The following KCP variants were observed in gnomAD, a reference collection of about 807,000 sequenced individuals.
The protein encoded by KCP is kielin/chordin-like protein.
A neutral mutation model predicts 212.7 loss-of-function variants in KCP; 194 were observed. The observed-to-expected ratio is 0.91, with a 90% confidence interval of 0.81 to 1.03. KCP has a LOEUF of 1.03. Among genes scored for constraint, KCP ranks in the 50% least tolerant of loss-of-function variants. KCP has a pLI of 0.00. For missense variants in KCP, 2,080 were observed against 2,162.5 expected (o/e 0.96, Z 0.76); for synonymous variants, 833 against 865.3 (o/e 0.96, Z 0.65).
chr7:128,883,540 A>G (rs1793457518), intron 29 of KCP, among the ~76,000 whole-genome samples: 1 of 152,224 alleles, frequency 6.6e-6, no homozygotes, highest in Non-Finnish European at 1.5e-5. Context: ...CCTCCACAAC[A>G]AATGTAAAAT....
rs1045501744 is a variant in KCP at position 128,879,737 on chromosome 7, A to T, written c.4025T>A (p.Leu1342Gln). The stretch of plus-strand genomic sequence containing the variant: ...GCTCACCGTGACTGCCCCGTCCTGC[A>T]GCAGCCGCACGGCCATGTCTCCCAG... Reference protein sequence around the residue: ...VLLGDMAVRLLQDGAVTVDGH... With the variant: ...VLLGDMAVRLQQDGAVTVDGH... The change falls in exon 36 of 40, where the codon CTG (leucine) becomes CAG (glutamine). Residue 1342 changes from leucine to glutamine, a missense_variant. Coordinates refer to ENST00000610776, the MANE Select transcript of KCP (RefSeq NM_001366122.1). 36 of 1,550,080 alleles carry T rather than the reference A, an allele frequency of 2.3e-5. No homozygotes were observed. Among genetic ancestry groups the T allele is most frequent in the Admixed American group, 2.0e-4 (10 of 50,960 alleles).
At chr7:128,894,122 GC>G in intron 9 of KCP, 67 bp from the exon 10 acceptor site, 1 of 1,518,852 alleles carries the variant, frequency 6.6e-7, no homozygotes. Flanking sequence ...GCCTTCATGG[GC>G]CCCCGAGCAG....
chr7:128,888,975 G>T lies in KCP; in HGVS notation c.2400C>A (p.Cys800Ter), dbSNP rs1375110996. ...NQEFPDPREP[C>*]NLCTCLGGFV... ...AGCCTCCAAGACAGGTACACAGGTTGCAGGGTTCTCGGGGGTCTGGGAACT... is the reference window on the plus strand; with the variant it reads ...AGCCTCCAAGACAGGTACACAGGTTTCAGGGTTCTCGGGGGTCTGGGAACT... The change falls in exon 22 of 40, where the codon TGC (cysteine) becomes TGA (stop). Residue 800 changes from cysteine (C) to a stop codon, truncating the protein, a stop_gained. Transcript: ENST00000610776. LOFTEE classifies it high-confidence loss of function. 6.5e-7 allele frequency: 1 copy of T among 1,548,526 alleles called. No individual in the cohort carries two copies. The highest frequency in any genetic ancestry group is 8.7e-7 in the Non-Finnish European group (1 of 1,144,964).
intron 5 of KCP, 126 bp from the exon 6 acceptor site, chr7:128,904,264 A>C: frequency 6.5e-7 from 1 of 1,549,372 alleles, no homozygotes; most frequent in South Asian, 1.2e-5. Context: ...GGGGCAGGGC[A>C]GGACAGGGCA....
chr7:128,908,114 T>G (rs1585261644), intron 2 of KCP, among the ~76,000 whole-genome samples: 1 of 110,636 alleles, frequency 9.0e-6, no homozygotes, highest in African/African-American at 4.3e-5. Flanking sequence ...GGGTGACACA[T>G]GGTGACTCCA....
chr7:128,889,920 CTTTTT>C (rs35633844), intron 21 of KCP: 34 of 99,586 alleles, frequency 3.4e-4, no homozygotes, highest in South Asian at 6.1e-4. Flanking sequence ...TAGTGTCAGG[CTTTTT>C]TTTTTTTTTT....
In KCP at chr7:128,892,509, C is replaced by T. The variant is rs1218892943; in HGVS notation, c.1621+5G>A. 1 of 1,515,570 alleles carries T rather than the reference C, an allele frequency of 6.6e-7. No homozygotes were observed. The highest frequency in any genetic ancestry group is 2.5e-5 in the East Asian group (1 of 40,542). The allele number at this position is 1,515,570 out of a possible 1,614,324, so 93.9% of individuals were successfully genotyped here. A position where few individuals can be genotyped will look rare whatever the true frequency, so the allele number is the denominator to read the frequency against. ...TCCCCTCAGGCCCAGTGAGTGCCCACATACCTGGGCACCTGGGGCAACACT... is the reference window on the plus strand; with the variant it reads ...TCCCCTCAGGCCCAGTGAGTGCCCATATACCTGGGCACCTGGGGCAACACT... On this transcript the variant is annotated splice_donor_5th_base_variant and intron_variant, in intron 16 of 39. Coordinates refer to ENST00000610776, the MANE Select transcript of KCP (RefSeq NM_001366122.1).
intron 7 of KCP, 50 bp from the exon 8 acceptor site, chr7:128,902,909 AC>A: frequency 7.1e-7 from 1 of 1,407,782 alleles, no homozygotes; most frequent in Non-Finnish European, 9.8e-7. Flanking sequence ...GCTGGCCTGG[AC>A]CCCAGCCTCA....
chr7:128,896,755 G>T (rs1417497207), intron 8 of KCP, among the ~76,000 whole-genome samples: 1 of 152,054 alleles, frequency 6.6e-6, no homozygotes, highest in Non-Finnish European at 1.5e-5. Flanking sequence ...GCTGGGCGTG[G>T]TGGCACACGC....
At chr7:128,910,466 TG>T in intron 1 of KCP, 134 bp downstream of exon 1, 1 of 771,930 alleles carries the variant, frequency 1.3e-6, no homozygotes, top group Non-Finnish European at 1.9e-6. Flanking sequence ...AGGACGGAGC[TG>T]GCCAGGGAGG....
At chr7:128,878,409 A>C in intron 38 of KCP, 149 bp downstream of exon 38, 1 of 865,230 alleles carries the variant, frequency 1.2e-6, no homozygotes, top group East Asian at 2.7e-5. Flanking sequence ...CAAGACAGGC[A>C]AGAAGCCCCC....
At position 128,879,961 on chromosome 7, in the gene KCP, C is replaced by A. The variant is rs1028996081; in HGVS notation, c.3884G>T (p.Gly1295Val). ...CTTGGCCAGCACATAGCTGCAACTG[C>A]CCTGGAAGTGCAGCAGGCGGCCGTC... ...TFDGRLLHFQGSCSYVLAKDC... is the reference protein window; with the variant it reads ...TFDGRLLHFQVSCSYVLAKDC... The change falls in exon 35 of 40, where the codon GGC (glycine) becomes GTC (valine). Residue 1295 changes from glycine to valine, a missense_variant. Coordinates refer to ENST00000610776, the MANE Select transcript of KCP (RefSeq NM_001366122.1). The A allele has an allele frequency of 1.0e-4, 159 of 1,550,774 alleles. No homozygotes were observed. Among genetic ancestry groups the A allele is most frequent in the Non-Finnish European group, 1.3e-4 (154 of 1,146,964 alleles).
Position 128,893,782 on chromosome 7 carries a change from G to T in KCP, c.1099+24C>A, listed in dbSNP as rs749345254. 13 of 1,545,312 alleles carry T rather than the reference G, an allele frequency of 8.4e-6. No homozygotes were observed. In the African/African-American group the frequency reaches 9.6e-5, roughly 11 times the overall value. Reference sequence around the variant, plus strand: ...TCTGCAGCCAAGGCCTGCCCCTCCCGCAGAGACCCCGGCCCCCACTCACCA... The same window carrying T: ...TCTGCAGCCAAGGCCTGCCCCTCCCTCAGAGACCCCGGCCCCCACTCACCA... On this transcript the variant is annotated intron_variant, in intron 11 of 39. Coordinates refer to ENST00000610776, the MANE Select transcript of KCP (RefSeq NM_001366122.1).
chr7:128,888,915 C>G lies in KCP; in HGVS notation c.2460G>C (p.Pro820=), dbSNP rs1488251223. The G allele has an allele frequency of 3.2e-6, 5 of 1,549,882 alleles. No homozygotes were observed. Among genetic ancestry groups the G allele is most frequent in the Non-Finnish European group, 4.4e-6 (5 of 1,146,732 alleles). ...VTCGRRPCEP[P]GCSHPLIPSG... ...AGGGGATGAGTGGGTGGCTGCAGCC[C>G]GGAGGCTCACAGGGCCGGCGGCCGC... The change falls in exon 22 of 40, where the codon CCG becomes CCC. Residue 820 remains proline, a synonymous_variant. Transcript: ENST00000610776.
In KCP at chr7:128,893,557, C is replaced by G. The variant is rs543931789; in HGVS notation, c.1100-81G>C. 1.1e-3 allele frequency: 1,272 copies of G among 1,156,134 alleles called. 12 individuals are homozygous for G. The African/African-American group carries it at 0.017, about 16-fold the overall frequency. 71.6% of individuals were successfully genotyped at this position (1,156,134 alleles called of 1,614,324 possible). A position where few individuals can be genotyped will look rare whatever the true frequency, so the allele number is the denominator to read the frequency against. On this transcript the variant is annotated intron_variant, in intron 11 of 39. Coordinates refer to ENST00000610776, the MANE Select transcript of KCP (RefSeq NM_001366122.1). ...CACGTCACCCTGAGGTGTCCAACCC[C>G]CACCCTGACAAAGAAGACCCAGCCG...
At position 128,877,727 on chromosome 7, in the gene KCP, C is replaced by T. The variant is rs1441111258; in HGVS notation, c.4375G>A (p.Ala1459Thr). The T allele has an allele frequency of 1.9e-6, 3 of 1,551,012 alleles. No homozygotes were observed. Residue 1459 changes from alanine to threonine, a missense_variant, in exon 39 of 40, where the codon GCA becomes ACA. Transcript: ENST00000610776. ...TCACGCCTGGCACGGTAACCTGCTG[C>T]CCGGCACGGATCCACCTCTCGGCCT... ...SAGREVDPCR[A>T]AGYRARREAN...
Position 128,891,819 on chromosome 7 carries a change from T to C in KCP, c.1622A>G (p.Asp541Gly). Residue 541 changes from aspartate (D) to glycine (G), a missense_variant and splice_region_variant, in exon 17 of 40, where the codon GAC becomes GGC. Asp to Gly is a moderately conservative substitution (Grantham distance 94, BLOSUM62 -1). Coordinates refer to ENST00000610776, the MANE Select transcript of KCP (RefSeq NM_001366122.1). ...AAACACCTCTTCCTCCAGGATGCAG[T>C]CTGGGCAGTGGATGGTGGGGGCAGG... ...GPGQCCPRCP[D>G]CILEEEVFVD... is the part of the protein sequence containing the mutation. 6.9e-7 allele frequency: 1 copy of C among 1,444,786 alleles called. No homozygotes were observed. 89.5% of individuals were successfully genotyped at this position (1,444,786 alleles called of 1,614,324 possible). A position where few individuals can be genotyped will look rare whatever the true frequency, so the allele number is the denominator to read the frequency against.
chr7:128,906,906 G>C (rs923902958), intron 4 of KCP, among the ~76,000 whole-genome samples, 195 bp downstream of exon 4: 1 of 152,154 alleles, frequency 6.6e-6, no homozygotes, highest in Non-Finnish European at 1.5e-5. Flanking sequence ...TGAATTGAGT[G>C]GCTTGGGGAC....
Position 128,893,754 on chromosome 7 carries a change from C to A in KCP, c.1099+52G>T, listed in dbSNP as rs558088666. On this transcript the variant is annotated intron_variant, in intron 11 of 39. Transcript: ENST00000610776. ...GAAGCAAATCCCCCACACCTACAGC[C>A]TCTCTGCAGCCAAGGCCTGCCCCTC... is the stretch of plus-strand genomic sequence containing the variant. 5.9e-6 allele frequency: 9 copies of A among 1,519,984 alleles called. No homozygotes were observed. The African/African-American group carries it at 1.2e-4, about 21-fold the overall frequency. 94.2% of individuals were successfully genotyped at this position (1,519,984 alleles called of 1,614,324 possible).
Sources: allele counts gnomAD v4.1 joint callset (sites outside exome capture counted in the v4.1 genomes callset), GRCh38; gene constraint gnomAD v4.1.1; transcripts MANE v1.5; gene names NCBI Gene and HGNC (gene_info 2026-07-23, HGNC 2026-07-21).